Variants in UBXN8 observed in about 807,000 individuals in gnomAD.
UBXN8 encodes UBX domain protein 8.
UBXN8 carries 27 observed loss-of-function variants against 32.1 expected under a neutral mutation model. The observed-to-expected ratio is 0.84, with a 90% confidence interval of 0.62 to 1.16. The LOEUF is 1.16. Ranked by LOEUF, UBXN8 falls within the 50% of genes most tolerant of loss-of-function variation. UBXN8 has a pLI of 0.00. For missense variants in UBXN8, 306 were observed against 311.4 expected, an observed-to-expected ratio of 0.98 and a Z score of 0.13; for synonymous variants, 109 against 111.8, an observed-to-expected ratio of 0.98 and a Z score of 0.16.
At chr8:30,760,443 A>ATTTTTTTTTTTTT (rs199634258) in intron 5 of UBXN8, among the ~76,000 whole-genome samples, 3 of 91,118 alleles carry the variant, frequency 3.3e-5, no homozygotes, top group Non-Finnish European at 5.9e-5. Context: ...ATATATATAT[A>ATTTTTTTTTTTTT]TTTTTTTTTT....
chr8:30,747,903 T>TC lies in UBXN8; in HGVS notation c.89-3493_89-3492insC, dbSNP rs1389986735. ...TTAATATATATTTTTTCTTTTTTTT[T>TC]TTTTTTTTTTTTTTTGCTACCTTTG... On this transcript the variant is annotated intron_variant, in intron 1 of 7. Transcript: ENST00000265616. Among the ~76,000 whole-genome samples the TC allele has an allele frequency of 5.9e-5, 7 of 118,966 alleles. 2 individuals are homozygous for TC. In the South Asian group the frequency reaches 1.2e-3, roughly 20 times the overall value. 78.0% of individuals were successfully genotyped at this position (118,966 alleles called of 152,430 possible).
upstream of UBXN8, among the ~76,000 whole-genome samples, chr8:30,729,263 G>A (rs931742617): frequency 1.3e-5 from 2 of 152,252 alleles, no homozygotes; most frequent in African/African-American, 2.4e-5. Flanking sequence ...AGAGCAGTGC[G>A]TGGCAGGCCC....
chr8:30,734,250 A>C (rs1355462168), intron 1 of UBXN8: 2 of 152,216 alleles, frequency 1.3e-5, no homozygotes, highest in African/African-American at 2.4e-5. Context: ...CTGATTACAA[A>C]ATTTAAGGGA....
chr8:30,744,238 C>G lies in UBXN8; in HGVS notation c.49C>G (p.Leu17Val), dbSNP rs1227122978. The G allele has an allele frequency of 1.2e-6, 2 of 1,613,894 alleles. No individual in the cohort carries two copies. The highest frequency in any genetic ancestry group is 1.7e-5 in the Admixed American group (1 of 60,002). ...VGIFFLSAVP[L>V]VCLELRRGIP... is the part of the protein sequence containing the mutation. ...CATTTTCTTCCTCTCTGCTGTCCCC[C>G]TTGTGTGTCTGGAGCTCCGGCGTGG... is the stretch of plus-strand genomic sequence containing the variant. The change falls in exon 1 of 8, where the codon CTT becomes GTT. Residue 17 changes from leucine to valine, a missense_variant. Physicochemically the swap from Leu to Val is conservative, Grantham distance 32. Coordinates refer to ENST00000265616, the MANE Select transcript of UBXN8 (RefSeq NM_005671.4).
upstream of UBXN8, chr8:30,732,326 G>C (rs1804979898): frequency 2.5e-6 from 1 of 398,160 alleles, no homozygotes; most frequent in African/African-American, 2.1e-5. Flanking sequence ...GAGGACTGTG[G>C]GTATAAGGTG....
rs1204515840 is a variant in UBXN8 at position 30,766,874 on chromosome 8, A to G, written c.*480A>G. 1.3e-5 allele frequency: 2 copies of G among 152,248 alleles called. No homozygotes were observed. The highest frequency in any genetic ancestry group is 2.9e-5 in the Non-Finnish European group (2 of 68,082). The allele number at this position is 152,248 out of a possible 1,614,324, so 9.4% of individuals were successfully genotyped here. A position where few individuals can be genotyped will look rare whatever the true frequency, so the allele number is the denominator to read the frequency against. Reference sequence around the variant, plus strand: ...TTAAAGTTCTTTCTGTTGGGTGTGCATTACAGTTTACTTAACTGATGTTTG... The same window carrying G: ...TTAAAGTTCTTTCTGTTGGGTGTGCGTTACAGTTTACTTAACTGATGTTTG... On this transcript the variant is annotated 3_prime_UTR_variant, in exon 8 of 8. Transcript: ENST00000265616.
chr8:30,738,783 C>T (rs1002348770), intron 1 of UBXN8, among the ~76,000 whole-genome samples: 4 of 149,430 alleles, frequency 2.7e-5, no homozygotes, highest in African/African-American at 9.9e-5. Flanking sequence ...GGTGAAACCT[C>T]GTATCTACTA....
chr8:30,751,404 G>T lies in UBXN8; in HGVS notation c.97G>T (p.Asp33Tyr), dbSNP rs1390222061. 3.2e-6 allele frequency: 5 copies of T among 1,580,496 alleles called. No homozygotes were observed. The African/African-American group carries it at 5.4e-5, about 17-fold the overall frequency. ...TTTTTTTCCTTTATCAGGAATCAAG[G>T]ATTTTCTTTTGCTTTGTGGCCGGAT... ...RRGIPDIGIK[D>Y]FLLLCGRILL... is the part of the protein sequence containing the mutation. The change falls in exon 2 of 8, where the codon GAT becomes TAT. Residue 33 changes from aspartate (D) to tyrosine (Y), a missense_variant. Asp to Tyr is a radical substitution (Grantham distance 160, BLOSUM62 -3). Transcript: ENST00000265616.
At chr8:30,733,427 A>G (rs957860851) in intron 1 of UBXN8, 1 of 152,220 alleles carries the variant, frequency 6.6e-6, no homozygotes, top group African/African-American at 2.4e-5. Context: ...TAAAATATCA[A>G]CAAGAAATCT....
At chr8:30,757,088 A>AG (rs1805683909) in intron 5 of UBXN8, among the ~76,000 whole-genome samples, 1 of 151,968 alleles carries the variant, frequency 6.6e-6, no homozygotes, top group Non-Finnish European at 1.5e-5. Context: ...TGGGAGGCCG[A>AG]GGCCGATGGA....
chr8:30,749,402 A>AAAAAT (rs1172545987), intron 1 of UBXN8, among the ~76,000 whole-genome samples: 1 of 88,034 alleles, frequency 1.1e-5, no homozygotes, highest in East Asian at 2.7e-4. Flanking sequence ...CAAAAAAAAA[A>AAAAAT]AATAAAATAA....
At chr8:30,729,430 G>T (rs1390107645), upstream of UBXN8, among the ~76,000 whole-genome samples, 1 of 152,158 alleles carries the variant, frequency 6.6e-6, no homozygotes, top group Non-Finnish European at 1.5e-5. Flanking sequence ...CTGGCACTTT[G>T]GTTTTTGTTT....
upstream of UBXN8, among the ~76,000 whole-genome samples, chr8:30,743,776 C>G (rs2128752755): frequency 6.6e-6 from 1 of 152,302 alleles, no homozygotes; most frequent in Non-Finnish European, 1.5e-5. Context: ...GGTGTTATAG[C>G]CCACATTCAT....
chr8:30,742,585 G>T (rs1011955564), upstream of UBXN8, among the ~76,000 whole-genome samples: 3 of 151,968 alleles, frequency 2.0e-5, no homozygotes, highest in Admixed American at 6.6e-5. Flanking sequence ...GAAGCAATCT[G>T]CCTCCTTCCG....
chr8:30,736,391 TAAA>T (rs35091727), intron 1 of UBXN8, among the ~76,000 whole-genome samples: 37,729 of 152,082 alleles, frequency 0.25, 5,290 homozygotes, highest in African/African-American at 0.39. Context: ...GGGGAGATCA[TAAA>T]AAGTTTTGGA....
At chr8:30,741,119 T>C (rs1050953982), upstream of UBXN8, among the ~76,000 whole-genome samples, 2 of 147,262 alleles carry the variant, frequency 1.4e-5, no homozygotes, top group Admixed American at 6.7e-5. Context: ...AACTAGACTA[T>C]AGAACCCTAT....
intron 2 of UBXN8, among the ~76,000 whole-genome samples, chr8:30,752,461 C>T (rs1365165079): frequency 6.6e-6 from 1 of 152,158 alleles, no homozygotes; most frequent in Non-Finnish European, 1.5e-5. Flanking sequence ...GTGTGTACCA[C>T]TGCACCTGGC....
At chr8:30,743,893 G>GA (rs1306488202), upstream of UBXN8, among the ~76,000 whole-genome samples, 1 of 152,212 alleles carries the variant, frequency 6.6e-6, no homozygotes, top group Non-Finnish European at 1.5e-5. Flanking sequence ...ACGCTGCAAA[G>GA]ACCGAAGGGG....
chr8:30,744,326 A>G, intron 1 of UBXN8, 49 bp downstream of exon 1: 4 of 1,568,922 alleles, frequency 2.5e-6, no homozygotes, highest in Non-Finnish European at 2.6e-6. Context: ...TAATTTTCAC[A>G]GGAATGTTGC....
Sources: allele counts gnomAD v4.1 joint callset (sites outside exome capture counted in the v4.1 genomes callset), GRCh38; gene constraint gnomAD v4.1.1; transcripts MANE v1.5; gene names NCBI Gene and HGNC (gene_info 2026-07-23, HGNC 2026-07-21).